Variants in LTBP2 observed in about 807,000 individuals in gnomAD.
LTBP2 encodes the protein latent-transforming growth factor beta-binding protein 2.
Under a neutral mutation model 210.6 loss-of-function variants are expected in LTBP2, and 103 were observed. That is an observed-to-expected ratio of 0.49 (90% confidence interval 0.42 to 0.58). The LOEUF (loss-of-function observed/expected upper bound fraction) is 0.58. Ranked by LOEUF, LTBP2 falls within the 20% of genes least tolerant of loss-of-function variation. The pLI is 0.00. For synonymous variants in LTBP2, 1,007 were observed against 1,015.0 expected (o/e 0.99, Z 0.15); for missense variants, 2,313 against 2,494.5 (o/e 0.93, Z 1.55).
rs1248380587 is a variant in LTBP2 at position 74,536,016 on chromosome 14, A to G, written c.1790-16T>C. On this transcript the variant is annotated splice_polypyrimidine_tract_variant and intron_variant, in intron 8 of 35. Transcript: ENST00000261978. ...ACCGGGGAGGCTGAAGAGTGGAGATACGGACAGGTCTCACTGGACGGCCCC... is the reference window on the plus strand; with the variant it reads ...ACCGGGGAGGCTGAAGAGTGGAGATGCGGACAGGTCTCACTGGACGGCCCC... The G allele has an allele frequency of 6.2e-7, 1 of 1,611,706 alleles. No individual in the cohort carries two copies. The highest frequency in any genetic ancestry group is 1.3e-5 in the African/African-American group (1 of 74,866).
At chr14:74,534,698 A>G (rs538336859) in intron 9 of LTBP2, among the ~76,000 whole-genome samples, 196 of 152,262 alleles carry the variant, frequency 1.3e-3, no homozygotes, top group African/African-American at 4.5e-3. Flanking sequence ...TATGTAGCCC[A>G]TAGTAACCTC....
Position 74,500,916 on chromosome 14 carries a change from C to T in LTBP2, c.5434G>A (p.Ala1812Thr), listed in dbSNP as rs2086901136. ...CHCSPGYVAEAGPPHCTAKE is the reference protein window; with the variant it reads ...CHCSPGYVAETGPPHCTAKE Reference sequence around the variant, plus strand: ...TTGGCAGTGCAGTGGGGGGGCCCTGCCTCAGCCACATATCCCGGGGAGCAG... The same window carrying T: ...TTGGCAGTGCAGTGGGGGGGCCCTGTCTCAGCCACATATCCCGGGGAGCAG... The change falls in exon 36 of 36, where the codon GCA (alanine) becomes ACA (threonine). Residue 1812 changes from alanine to threonine, a missense_variant. Physicochemically the swap from Ala to Thr is moderately conservative, Grantham distance 58 (BLOSUM62 0). This residue lies in a region of LTBP2 where 443 missense variants were observed against 501.4 expected (regional missense o/e 0.88). Coordinates refer to ENST00000261978, the MANE Select transcript of LTBP2 (RefSeq NM_000428.3). 3.7e-6 allele frequency: 6 copies of T among 1,614,064 alleles called. No homozygotes were observed. Among genetic ancestry groups the T allele is most frequent in the Non-Finnish European group, 5.1e-6 (6 of 1,180,028 alleles).
chr14:74,611,998 T>A lies in LTBP2; in HGVS notation c.-54A>T. 1 of 1,465,694 alleles carries A rather than the reference T, an allele frequency of 6.8e-7. No homozygotes were observed. Among genetic ancestry groups the A allele is most frequent in the Non-Finnish European group, 8.9e-7 (1 of 1,117,872 alleles). 90.8% of individuals were successfully genotyped at this position (1,465,694 alleles called of 1,614,324 possible). A position where few individuals can be genotyped will look rare whatever the true frequency, so the allele number is the denominator to read the frequency against. ...GCGGGCACCGCGAAGAGCTTTGTGG[T>A]CGGCACGCTGGACGCCCGCGGGCTG... On this transcript the variant is annotated 5_prime_UTR_variant, in exon 1 of 36. Coordinates refer to ENST00000261978, the MANE Select transcript of LTBP2 (RefSeq NM_000428.3).
chr14:74,514,383 T>C (rs546380372), intron 18 of LTBP2, among the ~76,000 whole-genome samples: 13 of 152,250 alleles, frequency 8.5e-5, no homozygotes, highest in Non-Finnish European at 1.6e-4. Flanking sequence ...TTCATCTTTT[T>C]GGTATAAGGC....
chr14:74,500,742 TG>T lies in LTBP2; in HGVS notation c.*141del. ...CGAAGCTTACAGCCAGAGGCTAAGC[TG>T]GGAGAGATGAAAGCAGGCAAGGCTG... is the stretch of plus-strand genomic sequence containing the variant. On this transcript the variant is annotated 3_prime_UTR_variant, in exon 36 of 36. Coordinates refer to ENST00000261978, the MANE Select transcript of LTBP2 (RefSeq NM_000428.3). 1 of 1,137,510 alleles carries T rather than the reference TG, an allele frequency of 8.8e-7. No individual in the cohort carries two copies. Among genetic ancestry groups the T allele is most frequent in the Non-Finnish European group, 1.3e-6 (1 of 762,224 alleles). The allele number at this position is 1,137,510 out of a possible 1,614,324, so 70.5% of individuals were successfully genotyped here. A position where few individuals can be genotyped will look rare whatever the true frequency, so the allele number is the denominator to read the frequency against.
chr14:74,506,551 G>A (rs2086987587), intron 27 of LTBP2, 147 bp downstream of exon 27: 2 of 1,334,950 alleles, frequency 1.5e-6, no homozygotes, highest in African/African-American at 1.4e-5. Flanking sequence ...TGGGCGAGGA[G>A]TTGAAGTCTC....
At chr14:74,564,937 G>A (rs1334618631) in intron 3 of LTBP2, among the ~76,000 whole-genome samples, 3 of 152,008 alleles carry the variant, frequency 2.0e-5, no homozygotes, top group South Asian at 2.1e-4. Flanking sequence ...TTTCTTTATC[G>A]CCATTTTACA....
chr14:74,518,209 G>A (rs1442158298), intron 17 of LTBP2, among the ~76,000 whole-genome samples: 2 of 152,212 alleles, frequency 1.3e-5, no homozygotes, highest in African/African-American at 4.8e-5. Context: ...GAGTCCTTGT[G>A]CAGATTAAAT....
Position 74,501,546 on chromosome 14 carries a change from T to C in LTBP2, c.5215A>G (p.Ile1739Val), listed in dbSNP as rs1435761349. Residue 1739 changes from isoleucine to valine, a missense_variant, in exon 35 of 36, where the codon ATC (isoleucine) becomes GTC (valine). Physicochemically the swap from Ile to Val is conservative, Grantham distance 29 (BLOSUM62 3). Around this residue, in one of 3 missense-constraint regions of LTBP2, gnomAD observed 443 missense variants for 501.4 expected, o/e 0.88. Transcript: ENST00000261978. ...FEGLQAEECGILNGCENGRCV... is the reference protein window; with the variant it reads ...FEGLQAEECGVLNGCENGRCV... ...CGGCCATTCTCACAGCCGTTCAGGA[T>C]GCCGCACTCCTCCGCCTGAAGCCCT... 13 of 1,614,020 alleles carry C rather than the reference T, an allele frequency of 8.1e-6. No individual in the cohort carries two copies. Among genetic ancestry groups the C allele is most frequent in the African/African-American group, 1.3e-5 (1 of 74,928 alleles).
In LTBP2 at chr14:74,528,713, G is replaced by T. The variant is rs1214429535; in HGVS notation, c.2153-15C>A. ...TCTGAAGGCCTCTGCAAAGCCAACA[G>T]CCAGAGGACAAACTGAGAGGTGCTG... is the stretch of plus-strand genomic sequence containing the variant. On this transcript the variant is annotated splice_polypyrimidine_tract_variant and intron_variant, in intron 11 of 35. Transcript: ENST00000261978. The T allele has an allele frequency of 6.2e-7, 1 of 1,609,654 alleles. No homozygotes were observed. Among genetic ancestry groups the T allele is most frequent in the Non-Finnish European group, 8.5e-7 (1 of 1,179,564 alleles).
rs778628778 is a variant in LTBP2, at chr14:74,509,240, T to G, written c.3401A>C (p.Glu1134Ala). ...CTCTCCCACACAGAGGCTCATACCTTCACAGGAGTCACCCAGGGGGCTGGG... is the reference window on the plus strand; with the variant it reads ...CTCTCCCACACAGAGGCTCATACCTGCACAGGAGTCACCCAGGGGGCTGGG... ...YRPSPLGDSC[E>A]DVDECEDPQS... is the part of the protein sequence containing the mutation. Residue 1134 changes from glutamate to alanine, a missense_variant and splice_region_variant, in exon 22 of 36, where the codon GAA (glutamate) becomes GCA (alanine). Transcript: ENST00000261978. The G allele has an allele frequency of 4.3e-6, 7 of 1,613,572 alleles. No homozygotes were observed. In the South Asian group the frequency reaches 7.7e-5, roughly 18 times the overall value.
intron 17 of LTBP2, among the ~76,000 whole-genome samples, chr14:74,519,514 TATTA>T (rs1235495004): frequency 6.6e-6 from 1 of 150,482 alleles, no homozygotes; most frequent in Non-Finnish European, 1.5e-5. Flanking sequence ...TTATGATTTA[TATTA>T]ATTATATATA....
At chr14:74,594,081 G>A (rs2088320695) in intron 2 of LTBP2, among the ~76,000 whole-genome samples, 1 of 152,114 alleles carries the variant, frequency 6.6e-6, no homozygotes, top group African/African-American at 2.4e-5. Flanking sequence ...ACTTGCCCCA[G>A]GACACAGAGC....
chr14:74,584,782 G>A lies in LTBP2; in HGVS notation c.830+1072C>T, dbSNP rs148329430. ...TGGGTGACCAGGGCCCCGGAACCCA[G>A]CTCACCAAGATCCTGGTCCGCCTGA... On this transcript the variant is annotated intron_variant, in intron 3 of 35. Coordinates refer to ENST00000261978, the MANE Select transcript of LTBP2 (RefSeq NM_000428.3). 5.2e-3 allele frequency among the ~76,000 whole-genome samples: 793 copies of A among 152,158 alleles called. 11 individuals carry two copies. Among genetic ancestry groups the A allele is most frequent in the African/African-American group, 0.018 (756 of 41,500 alleles).
chr14:74,527,288 C>A (rs1357644641), intron 13 of LTBP2, 59 bp downstream of exon 13: 1 of 1,592,870 alleles, frequency 6.3e-7, no homozygotes, highest in Non-Finnish European at 8.6e-7. Flanking sequence ...GCCTGAGCTG[C>A]TACCAGGTCC....
chr14:74,502,887 C>T lies in LTBP2; in HGVS notation c.4936G>A (p.Glu1646Lys). Residue 1646 changes from glutamate to lysine, a missense_variant, in exon 34 of 36, where the codon GAG becomes AAG. Glu to Lys is a moderately conservative substitution (Grantham distance 56). Transcript: ENST00000261978. ...CCTGGCCGGAAGTGGACCCCGGCCTCCCGCTCTGCCTCAATGCGAGCCACG... is the reference window on the plus strand; with the variant it reads ...CCTGGCCGGAAGTGGACCCCGGCCTTCCGCTCTGCCTCAATGCGAGCCACG... ...CNVARIEAER[E>K]AGVHFRPGYE... 1.2e-6 allele frequency: 2 copies of T among 1,613,314 alleles called. No homozygotes were observed. Among genetic ancestry groups the T allele is most frequent in the Non-Finnish European group, 1.7e-6 (2 of 1,180,012 alleles).
chr14:74,584,177 A>C (rs1259776825), intron 3 of LTBP2, among the ~76,000 whole-genome samples: 1 of 152,140 alleles, frequency 6.6e-6, no homozygotes, highest in African/African-American at 2.4e-5. Context: ...TGCATGCCAG[A>C]GAGTAAGTGC....
intron 22 of LTBP2, 120 bp from the exon 23 acceptor site, chr14:74,509,072 A>G (rs990846457): frequency 2.5e-6 from 4 of 1,569,026 alleles, no homozygotes; most frequent in African/African-American, 2.7e-5. Flanking sequence ...ACGGGGGATC[A>G]TCCCCTCATG....
chr14:74,606,564 C>T (rs2088529127), intron 1 of LTBP2, among the ~76,000 whole-genome samples: 1 of 152,156 alleles, frequency 6.6e-6, no homozygotes, highest in South Asian at 2.1e-4. Context: ...AAAACCTCCC[C>T]TGGGCCAGGC....
Sources: gnomAD v4.1 joint callset for allele counts (sites outside exome capture counted in the v4.1 genomes callset) on GRCh38, gnomAD v4.1.1 for gene constraint, gnomAD v4.1.1 regional missense constraint, MANE v1.5 for transcripts, NCBI Gene and HGNC (gene_info 2026-07-23, HGNC 2026-07-21) for gene names.